The following GHR variants were observed in gnomAD, a reference collection of about 807,000 sequenced individuals.
GHR encodes the protein growth hormone receptor.
GHR carries 35 observed loss-of-function variants against 67.1 expected under a neutral mutation model. The ratio of observed to expected loss-of-function variants is 0.52; its 90% CI spans 0.40 to 0.69. The LOEUF (loss-of-function observed/expected upper bound fraction) is 0.69. GHR is among the 30% of genes least tolerant of loss of function. GHR has a pLI of 0.00. For synonymous variants in GHR, 272 were observed against 269.1 expected, an observed-to-expected ratio of 1.01 and a Z score of -0.10; for missense variants, 792 against 764.6, an observed-to-expected ratio of 1.04 and a Z score of -0.42.
chr5:42,495,875 C>T (rs753768024), intron 1 of GHR, among the ~76,000 whole-genome samples: 9 of 152,076 alleles, frequency 5.9e-5, no homozygotes, highest in Non-Finnish European at 1.2e-4. Context: ...GAAAAACTTT[C>T]CTGAAGATTA....
intron 2 of GHR, among the ~76,000 whole-genome samples, chr5:42,617,787 G>A (rs1354017885): frequency 1.3e-5 from 2 of 152,236 alleles, no homozygotes; most frequent in Admixed American, 6.5e-5. Flanking sequence ...GGTTATCAAT[G>A]AGACTTTTGA....
At chr5:42,523,141 G>A (rs761561236) in intron 1 of GHR, among the ~76,000 whole-genome samples, 28 of 152,132 alleles carry the variant, frequency 1.8e-4, no homozygotes, top group Admixed American at 3.9e-4. Context: ...CATTTAGAAA[G>A]CAAATTAAGT....
At chr5:42,515,084 T>G (rs1179390103) in intron 1 of GHR, 2 of 152,180 alleles carry the variant, frequency 1.3e-5, no homozygotes, top group Non-Finnish European at 2.9e-5. Flanking sequence ...CATAGTAGAC[T>G]CTTAGTGTAT....
intron 2 of GHR, among the ~76,000 whole-genome samples, chr5:42,597,335 T>C (rs1185162009): frequency 6.6e-6 from 1 of 152,214 alleles, no homozygotes; most frequent in Admixed American, 6.5e-5. Context: ...GAGTGTTTTA[T>C]CACATTTGTT....
At chr5:42,428,665 T>G (rs941972510) in intron 1 of GHR, among the ~76,000 whole-genome samples, 1 of 152,164 alleles carries the variant, frequency 6.6e-6, no homozygotes, top group Admixed American at 6.5e-5. Flanking sequence ...CTCTCAAGTT[T>G]AAAGTTCCAC....
chr5:42,481,858 CG>C (rs1554011611), intron 1 of GHR, among the ~76,000 whole-genome samples: 1 of 152,088 alleles, frequency 6.6e-6, no homozygotes, highest in Non-Finnish European at 1.5e-5. Flanking sequence ...TTAGTTTGAT[CG>C]TCTGAAGCCT....
intron 1 of GHR, among the ~76,000 whole-genome samples, chr5:42,544,282 A>G (rs1225767272): frequency 6.6e-6 from 1 of 152,200 alleles, no homozygotes; most frequent in East Asian, 1.9e-4. Context: ...TGTTCCAAAT[A>G]ATATTCAGCC....
chr5:42,712,911 T>A (rs536916772), intron 7 of GHR, among the ~76,000 whole-genome samples: 49 of 151,426 alleles, frequency 3.2e-4, no homozygotes, highest in Non-Finnish European at 6.9e-4. Flanking sequence ...TATTTATAGC[T>A]GTAAAATATA....
intron 3 of GHR, among the ~76,000 whole-genome samples, chr5:42,667,578 T>C (rs1756054496): frequency 6.6e-6 from 1 of 152,154 alleles, no homozygotes; most frequent in South Asian, 2.1e-4. Flanking sequence ...TGGAAGGTAT[T>C]TTGTTAAAGA....
At chr5:42,643,603 T>TG (rs2112797417) in intron 3 of GHR, among the ~76,000 whole-genome samples, 1 of 152,308 alleles carries the variant, frequency 6.6e-6, no homozygotes, top group African/African-American at 2.4e-5. Flanking sequence ...TTTGCATATG[T>TG]GCATGGATTT....
chr5:42,552,532 T>G (rs1416456628), intron 1 of GHR, among the ~76,000 whole-genome samples: 1 of 152,212 alleles, frequency 6.6e-6, no homozygotes, highest in Admixed American at 6.5e-5. Flanking sequence ...TTCAAAAAAT[T>G]TTTAAAAATA....
In GHR at chr5:42,720,728, C is replaced by T. The variant is rs897068346; in HGVS notation, c.*1304C>T. Reference sequence around the variant, plus strand: ...ACAGATAACTGAAAATTATTTAAACCGCTAAAAGAAACTTTCTTTCTCACT... The same window carrying T: ...ACAGATAACTGAAAATTATTTAAACTGCTAAAAGAAACTTTCTTTCTCACT... On this transcript the variant is annotated 3_prime_UTR_variant, in exon 10 of 10. Coordinates refer to ENST00000230882, the MANE Select transcript of GHR (RefSeq NM_000163.5). 2.0e-5 allele frequency: 3 copies of T among 152,080 alleles called. No homozygotes were observed. Among genetic ancestry groups the T allele is most frequent in the African/African-American group, 7.2e-5 (3 of 41,416 alleles). 9.4% of individuals were successfully genotyped at this position (152,080 alleles called of 1,614,324 possible). A position where few individuals can be genotyped will look rare whatever the true frequency, so the allele number is the denominator to read the frequency against.
intron 1 of GHR, among the ~76,000 whole-genome samples, chr5:42,531,982 CT>C (rs762664385): frequency 3.1e-3 from 440 of 142,264 alleles, no homozygotes; most frequent in Middle Eastern, 7.1e-3. Flanking sequence ...AGAAAAATAG[CT>C]TTTTTTTTTT....
At chr5:42,658,913 G>A (rs1323189978) in intron 3 of GHR, among the ~76,000 whole-genome samples, 1 of 152,172 alleles carries the variant, frequency 6.6e-6, no homozygotes. Context: ...TGGATTAAAA[G>A]TAGCTTCCAT....
intron 1 of GHR, among the ~76,000 whole-genome samples, chr5:42,476,621 G>T (rs973747868): frequency 1.3e-5 from 2 of 152,178 alleles, no homozygotes; most frequent in Non-Finnish European, 2.9e-5. Context: ...GAAATTGTTG[G>T]AAAATGATTC....
At chr5:42,693,600 C>G (rs1261992707) in intron 4 of GHR, among the ~76,000 whole-genome samples, 1 of 152,156 alleles carries the variant, frequency 6.6e-6, no homozygotes. Context: ...CCAAGCAGAC[C>G]AGCCTGAGAA....
intron 3 of GHR, among the ~76,000 whole-genome samples, chr5:42,653,750 C>A (rs1035353767): frequency 1.3e-5 from 2 of 152,066 alleles, no homozygotes; most frequent in African/African-American, 4.8e-5. Context: ...GGATATTAAG[C>A]CTTCTCTGTC....
intron 1 of GHR, chr5:42,465,701 G>GA (rs575955797): frequency 4.3e-5 from 37 of 864,116 alleles, no homozygotes; most frequent in Non-Finnish European, 6.0e-5. Flanking sequence ...ACTGTAATGT[G>GA]AAAAAAAAGA....
chr5:42,518,934 G>T (rs372484716), intron 1 of GHR, among the ~76,000 whole-genome samples: 1 of 152,098 alleles, frequency 6.6e-6, no homozygotes, highest in African/African-American at 2.4e-5. Flanking sequence ...CTTGGTATTC[G>T]AGAGCCAGGA....
Sources: gnomAD v4.1 joint callset for allele counts (sites outside exome capture counted in the v4.1 genomes callset) on GRCh38, gnomAD v4.1.1 for gene constraint, MANE v1.5 for transcripts, NCBI Gene and HGNC (gene_info 2026-07-23, HGNC 2026-07-21) for gene names.